OTOG: variants seen among roughly 807,000 people sequenced by gnomAD.
OTOG encodes otogelin.
A neutral mutation model predicts 313.8 loss-of-function variants in OTOG; 296 were observed. That is an observed-to-expected ratio of 0.94 (90% CI 0.86 to 1.04). The LOEUF is 1.04. OTOG is among the 50% of genes least tolerant of loss of function. OTOG has a pLI of 0.00. For synonymous variants in OTOG, 1,533 were observed against 1,554.9 expected (o/e 0.99, Z 0.33); for missense variants, 3,948 against 3,840.1 (o/e 1.03, Z -0.74).
chr11:17,574,858 G>C lies in OTOG; in HGVS notation c.2432G>C (p.Cys811Ser), dbSNP rs1406530594. The change falls in exon 20 of 56, where the codon TGT becomes TCT. Residue 811 changes from cysteine (C) to serine (S), a missense_variant. Transcript: ENST00000399397. ...DLSRDECVEG[C>S]ACPPDTYLDT... is the part of the protein sequence containing the mutation. ...AGCAGAGACGAGTGTGTGGAGGGCT[G>C]TGCCTGCCCACCGGACACCTATCTG... 1 of 1,546,426 alleles carries C rather than the reference G, an allele frequency of 6.5e-7. No individual in the cohort carries two copies. The highest frequency in any genetic ancestry group is 2.0e-5 in the Admixed American group (1 of 50,670).
In OTOG at chr11:17,612,442, T is replaced by A. The variant is rs1853585142; in HGVS notation, c.6292+112T>A. On this transcript the variant is annotated intron_variant, in intron 37 of 55. Transcript: ENST00000399397. ...ACTCCCCTCCTGTGGGACCCCGACCTGGCAGATTTCCTACGCTTGTGACCT... is the reference window on the plus strand; with the variant it reads ...ACTCCCCTCCTGTGGGACCCCGACCAGGCAGATTTCCTACGCTTGTGACCT... The A allele has an allele frequency of 4.2e-6, 6 of 1,417,764 alleles. No individual in the cohort carries two copies. The South Asian group carries it at 8.6e-5, about 20-fold the overall frequency. 87.8% of individuals were successfully genotyped at this position (1,417,764 alleles called of 1,614,324 possible).
At chr11:17,570,579 G>A (rs1852383792) in intron 17 of OTOG, 189 bp downstream of exon 17, 2 of 589,244 alleles carry the variant, frequency 3.4e-6, no homozygotes, top group South Asian at 2.4e-5. Context: ...AGTCCTCTAT[G>A]TGTGGAATCA....
In OTOG at chr11:17,569,307, A is replaced by G; in HGVS notation, c.1777+19A>G. The G allele has an allele frequency of 6.5e-7, 1 of 1,550,338 alleles. No individual in the cohort carries two copies. The highest frequency in any genetic ancestry group is 8.7e-7 in the Non-Finnish European group (1 of 1,146,826). On this transcript the variant is annotated intron_variant, in intron 16 of 55. Transcript: ENST00000399397. ...ACAGATGGTACGGTTTGGGGTGGAC[A>G]ACAGACCTAGTTGGGAACTGAGGGT... is the stretch of plus-strand genomic sequence containing the variant.
rs537144227 is a variant in OTOG at position 17,613,613 on chromosome 11, G to A, written c.6440G>A (p.Gly2147Glu). ...ATGAGGGCTGGGTTCTCTCTGCAGG[G>A]GCACCTGAACTGGCCCCCGTTCTGT... The part of the protein sequence containing the change: ...HVLDCKSANL[G>E]HLNWPPFCLV... Residue 2147 changes from glycine to glutamate, a missense_variant and splice_region_variant, in exon 39 of 56, where the codon GGG (glycine) becomes GAG (glutamate). Gly to Glu is a moderately conservative substitution (Grantham distance 98). Coordinates refer to ENST00000399397, the MANE Select transcript of OTOG (RefSeq NM_001292063.2). 26 of 1,550,516 alleles carry A rather than the reference G, an allele frequency of 1.7e-5. No individual in the cohort carries two copies. In the South Asian group the frequency reaches 2.4e-4, roughly 14 times the overall value.
At chr11:17,580,310 A>G (rs1274994395) in intron 23 of OTOG, among the ~76,000 whole-genome samples, 2 of 152,254 alleles carry the variant, frequency 1.3e-5, no homozygotes, top group Non-Finnish European at 2.9e-5. Flanking sequence ...AACTGAGTTA[A>G]TTAATTACCC....
chr11:17,611,099 G>A lies in OTOG; in HGVS notation c.5799G>A (p.Glu1933=), dbSNP rs1455196898. ...GTTCTGCAGAGGGTGGGCCCACAGAGCTCACGCCTGCTACGAGCCACCCTC... is the reference window on the plus strand; with the variant it reads ...GTTCTGCAGAGGGTGGGCCCACAGAACTCACGCCTGCTACGAGCCACCCTC... ...MYGSAEGGPT[E]LTPATSHPLT... The change falls in exon 36 of 56, where the codon GAG becomes GAA. Residue 1933 remains glutamate, a synonymous_variant. Transcript: ENST00000399397. 3.2e-6 allele frequency: 5 copies of A among 1,550,374 alleles called. No homozygotes were observed. Among genetic ancestry groups the A allele is most frequent in the Non-Finnish European group, 4.4e-6 (5 of 1,146,930 alleles).
intron 48 of OTOG, 91 bp from the exon 49 acceptor site, chr11:17,639,332 G>T: frequency 7.2e-7 from 1 of 1,385,408 alleles, no homozygotes; most frequent in South Asian, 1.2e-5. Flanking sequence ...CAGAAGACGG[G>T]TTGTGCCAGC....
In OTOG at chr11:17,603,340, G is replaced by T. The variant is rs112175365; in HGVS notation, c.3877+963G>T. On this transcript the variant is annotated intron_variant, in intron 32 of 55. Transcript: ENST00000399397. Reference sequence around the variant, plus strand: ...TCCATGCATTCCTGCCTGACGAAGGGTGTCTCACCACCTTCCAGATGTGGC... The same window carrying T: ...TCCATGCATTCCTGCCTGACGAAGGTTGTCTCACCACCTTCCAGATGTGGC... Among the ~76,000 whole-genome samples the T allele has an allele frequency of 5.9e-3, 903 of 152,278 alleles. 8 individuals carry two copies. Among genetic ancestry groups the T allele is most frequent in the Non-Finnish European group, 0.01 (710 of 68,020 alleles).
chr11:17,631,589 G>A, intron 40 of OTOG, 113 bp from the exon 41 acceptor site: 4 of 851,646 alleles, frequency 4.7e-6, no homozygotes, highest in Non-Finnish European at 5.5e-6. Flanking sequence ...TATAAAATGG[G>A]GATAATGGTA....
chr11:17,613,609 C>T lies in OTOG; in HGVS notation c.6439-3C>T, dbSNP rs1312942709. 7 of 1,550,486 alleles carry T rather than the reference C, an allele frequency of 4.5e-6. No homozygotes were observed. The highest frequency in any genetic ancestry group is 6.1e-6 in the Non-Finnish European group (7 of 1,146,912). Reference sequence around the variant, plus strand: ...GTTGATGAGGGCTGGGTTCTCTCTGCAGGGGCACCTGAACTGGCCCCCGTT... The same window carrying T: ...GTTGATGAGGGCTGGGTTCTCTCTGTAGGGGCACCTGAACTGGCCCCCGTT... On this transcript the variant is annotated splice_region_variant and splice_polypyrimidine_tract_variant and intron_variant, in intron 38 of 55. Coordinates refer to ENST00000399397, the MANE Select transcript of OTOG (RefSeq NM_001292063.2).
chr11:17,617,256 G>C (rs1016606453), intron 39 of OTOG, among the ~76,000 whole-genome samples: 4 of 152,054 alleles, frequency 2.6e-5, no homozygotes, highest in Non-Finnish European at 5.9e-5. Flanking sequence ...ATAGGTATTA[G>C]TCTAAATTTT....
At chr11:17,628,713 A>C (rs1252773064) in intron 39 of OTOG, among the ~76,000 whole-genome samples, 1 of 152,240 alleles carries the variant, frequency 6.6e-6, no homozygotes, top group Non-Finnish European at 1.5e-5. Flanking sequence ...GAGCAGGGGT[A>C]TGTAGCCCCA....
At chr11:17,571,902 G>A (rs983094102) in intron 17 of OTOG, among the ~76,000 whole-genome samples, 178 bp from the exon 18 acceptor site, 4 of 152,146 alleles carry the variant, frequency 2.6e-5, no homozygotes, top group Non-Finnish European at 4.4e-5. Flanking sequence ...GAGTGTGTGC[G>A]TATACATGTT....
chr11:17,593,292 T>G lies in OTOG; in HGVS notation c.3106T>G (p.Ser1036Ala). The stretch of plus-strand genomic sequence containing the variant: ...ATTTATTTCCATCAACGTTGGGAAC[T>G]CACTCATTGTCTTTGATGATGACTC... ...RKFISINVGN[S>A]LIVFDDDSGN... The change falls in exon 26 of 56, where the codon TCA becomes GCA. Residue 1036 changes from serine (S) to alanine (A), a missense_variant. Ser to Ala is a moderately conservative substitution (Grantham distance 99). Transcript: ENST00000399397. The G allele has an allele frequency of 6.4e-7, 1 of 1,550,610 alleles. No individual in the cohort carries two copies. Among genetic ancestry groups the G allele is most frequent in the Non-Finnish European group, 8.7e-7 (1 of 1,146,986 alleles).
chr11:17,551,383 T>C (rs1463962307), intron 3 of OTOG, among the ~76,000 whole-genome samples: 2 of 151,914 alleles, frequency 1.3e-5, no homozygotes, highest in South Asian at 2.1e-4. Flanking sequence ...GTCTGGAAAA[T>C]AGGGTTTCTA....
Position 17,645,752 on chromosome 11 carries a change from A to C in OTOG, c.8550A>C (p.Leu2850=), listed in dbSNP as rs1848063009. The change falls in exon 56 of 56, where the codon CTA becomes CTC. Residue 2850 remains leucine, a synonymous_variant. Transcript: ENST00000399397. The stretch of plus-strand genomic sequence containing the variant: ...TGGCCTGCCCGTTCCAGGTGAACCT[A>C]GTGTCCTGCGATGGGAGGTGCCCAT... ...NECRSSTPVN[L]VSCDGRCPSA... is the part of the protein sequence containing the mutation. 6.4e-7 allele frequency: 1 copy of C among 1,550,876 alleles called. No individual in the cohort carries two copies. The highest frequency in any genetic ancestry group is 1.7e-4 in the Middle Eastern group (1 of 5,992).
In OTOG at chr11:17,596,229, C is replaced by T. The variant is rs568562249; in HGVS notation, c.3525+75C>T. 1,448 of 1,070,272 alleles carry T rather than the reference C, an allele frequency of 1.4e-3. 3 individuals carry two copies. The highest frequency in any genetic ancestry group is 6.1e-3 in the Middle Eastern group (29 of 4,784). The allele number at this position is 1,070,272 out of a possible 1,614,324, so 66.3% of individuals were successfully genotyped here. ...TGGGATCCCTTCAGCTCTCAGACTC[C>T]CCCATGTCTCAGAGGAGACAGCTCA... On this transcript the variant is annotated intron_variant, in intron 29 of 55. Coordinates refer to ENST00000399397, the MANE Select transcript of OTOG (RefSeq NM_001292063.2).
At chr11:17,598,708 GC>G (rs1853171483) in intron 30 of OTOG, among the ~76,000 whole-genome samples, 1 of 152,182 alleles carries the variant, frequency 6.6e-6, no homozygotes, top group Non-Finnish European at 1.5e-5. Flanking sequence ...TAGAGAGCTG[GC>G]TTTTTAATGA....
In OTOG at chr11:17,596,087, G is replaced by A. The variant is rs753050195; in HGVS notation, c.3458G>A (p.Arg1153Gln). 59 of 1,550,722 alleles carry A rather than the reference G, an allele frequency of 3.8e-5. No individual in the cohort carries two copies. In the South Asian group the frequency reaches 3.8e-4, roughly 10 times the overall value. ...PRDMCVLNPL[R>Q]EPFAKKECSI... ...GATATGTGTGTCCTGAATCCTCTCCGAGAACCATTTGCCAAGAAGGAGTGC... is the reference window on the plus strand; with the variant it reads ...GATATGTGTGTCCTGAATCCTCTCCAAGAACCATTTGCCAAGAAGGAGTGC... The change falls in exon 29 of 56, where the codon CGA becomes CAA. Residue 1153 changes from arginine (R) to glutamine (Q), a missense_variant. Physicochemically the swap from Arg to Gln is conservative, Grantham distance 43. Coordinates refer to ENST00000399397, the MANE Select transcript of OTOG (RefSeq NM_001292063.2).
Sources: gnomAD v4.1 joint callset for allele counts (sites outside exome capture counted in the v4.1 genomes callset) on GRCh38, gnomAD v4.1.1 for gene constraint, MANE v1.5 for transcripts, NCBI Gene and HGNC (gene_info 2026-07-23, HGNC 2026-07-21) for gene names.